KIF27: variants seen among roughly 807,000 people sequenced by gnomAD.
KIF27 encodes the protein kinesin-like protein KIF27.
In KIF27, 84 loss-of-function variants were observed where a neutral mutation model predicts 141.8. That is an observed-to-expected ratio of 0.59 (90% CI 0.50 to 0.71). The LOEUF (loss-of-function observed/expected upper bound fraction) is 0.71. KIF27 is among the 30% of genes least tolerant of loss of function. The pLI is 0.00. For synonymous variants in KIF27, 471 were observed against 569.5 expected (o/e 0.83, Z 2.46); for missense variants, 1,306 against 1,628.4 (o/e 0.80, Z 3.41).
chr9:83,845,509 G>T (rs1035898476), intron 16 of KIF27, among the ~76,000 whole-genome samples: 1 of 152,182 alleles, frequency 6.6e-6, no homozygotes, highest in African/African-American at 2.4e-5. Flanking sequence ...TGGCCTCATG[G>T]GGAGTTCCCT....
intron 17 of KIF27, among the ~76,000 whole-genome samples, chr9:83,840,867 G>C (rs1946474930): frequency 6.6e-6 from 1 of 151,994 alleles, no homozygotes; most frequent in Non-Finnish European, 1.5e-5. Flanking sequence ...TTTTATCTTG[G>C]AATACTGAAC....
intron 10 of KIF27, among the ~76,000 whole-genome samples, chr9:83,883,539 G>C (rs60277614): frequency 0.13 from 20,379 of 152,068 alleles, 1,454 homozygotes; most frequent in African/African-American, 0.14. Context: ...TTAATCCTTT[G>C]TCCTTCAGAA....
chr9:83,850,337 A>G, intron 15 of KIF27, 40 bp from the exon 16 acceptor site: 1 of 1,180,408 alleles, frequency 8.5e-7, no homozygotes, highest in Non-Finnish European at 1.2e-6. Flanking sequence ...TGTGTCTTAG[A>G]TAAGCTAATA....
intron 3 of KIF27, among the ~76,000 whole-genome samples, chr9:83,904,956 A>G (rs1954346907): frequency 6.6e-6 from 1 of 151,894 alleles, no homozygotes; most frequent in African/African-American, 2.4e-5. Flanking sequence ...ACCTTGCATC[A>G]GAGTGCAAGG....
At chr9:83,862,860 G>A (rs1950053983) in intron 13 of KIF27, among the ~76,000 whole-genome samples, 1 of 152,112 alleles carries the variant, frequency 6.6e-6, no homozygotes, top group Admixed American at 6.5e-5. Flanking sequence ...TTGAGCAGTG[G>A]TTTGTAGTTC....
intron 12 of KIF27, 167 bp from the exon 13 acceptor site, chr9:83,868,027 T>C: frequency 4.9e-6 from 3 of 612,690 alleles, no homozygotes; most frequent in African/African-American, 1.9e-5. Context: ...TCAGTGGTTC[T>C]AGTCAAGATG....
chr9:83,903,014 G>A, intron 4 of KIF27, 46 bp downstream of exon 4: 4 of 1,185,270 alleles, frequency 3.4e-6, no homozygotes, highest in Non-Finnish European at 4.7e-6. Flanking sequence ...CATCTATTAT[G>A]TATCAATAAA....
At chr9:83,880,752 A>C (rs1951609204) in intron 10 of KIF27, among the ~76,000 whole-genome samples, 1 of 152,236 alleles carries the variant, frequency 6.6e-6, no homozygotes. Context: ...AATGAAACAG[A>C]TGATTTGCTT....
Position 83,835,092 on chromosome 9 carries a change from A to C in KIF27, c.*1909T>G, listed in dbSNP as rs1262616259. ...ATGTGCTATGCCTTAGTTAGAAATAATTAATTTACACATACTTGTTTTACT... is the reference window on the plus strand; with the variant it reads ...ATGTGCTATGCCTTAGTTAGAAATACTTAATTTACACATACTTGTTTTACT... On this transcript the variant is annotated 3_prime_UTR_variant, in exon 18 of 18. Transcript: ENST00000297814. Among the ~76,000 whole-genome samples, 1 of 149,724 alleles carries C rather than the reference A, an allele frequency of 6.7e-6. No homozygotes were observed. Among genetic ancestry groups the C allele is most frequent in the African/African-American group, 2.5e-5 (1 of 40,808 alleles).
At chr9:83,881,011 T>C (rs1951635582) in intron 10 of KIF27, among the ~76,000 whole-genome samples, 2 of 152,088 alleles carry the variant, frequency 1.3e-5, no homozygotes, top group African/African-American at 2.4e-5. Flanking sequence ...TCTTTTCATA[T>C]AGATTTGTTC....
chr9:83,842,761 C>A (rs1946744534), intron 16 of KIF27, among the ~76,000 whole-genome samples: 1 of 152,072 alleles, frequency 6.6e-6, no homozygotes, highest in Admixed American at 6.6e-5. Flanking sequence ...CCACCGTGCC[C>A]GGCTGCAAAA....
rs748766935 is a variant in KIF27 at position 83,888,481 on chromosome 9, C to G, written c.2083+8G>C. 7.2e-7 allele frequency: 1 copy of G among 1,386,462 alleles called. No individual in the cohort carries two copies. The highest frequency in any genetic ancestry group is 1.0e-6 in the Non-Finnish European group (1 of 989,264). 85.9% of individuals were successfully genotyped at this position (1,386,462 alleles called of 1,614,324 possible). On this transcript the variant is annotated splice_region_variant and intron_variant, in intron 8 of 17. Coordinates refer to ENST00000297814, the MANE Select transcript of KIF27 (RefSeq NM_017576.4). ...TTAGGTCTACATTATTTAAGAAGAT[C>G]TATGTACCTTCATTCTCCAAATCTG...
At chr9:83,915,832 T>C (rs1955625163) in intron 1 of KIF27, among the ~76,000 whole-genome samples, 154 bp from the exon 2 acceptor site, 1 of 152,112 alleles carries the variant, frequency 6.6e-6, no homozygotes, top group Non-Finnish European at 1.5e-5. Flanking sequence ...ACATCGTAAA[T>C]TTGTAGACAA....
At chr9:83,872,893 C>T (rs1950909852) in intron 11 of KIF27, among the ~76,000 whole-genome samples, 1 of 152,184 alleles carries the variant, frequency 6.6e-6, no homozygotes, top group Admixed American at 6.5e-5. Flanking sequence ...AGAAGCCCCA[C>T]ACCCATATAC....
intron 17 of KIF27, among the ~76,000 whole-genome samples, chr9:83,840,576 T>G (rs1587859373): frequency 6.6e-6 from 1 of 152,170 alleles, no homozygotes; most frequent in Non-Finnish European, 1.5e-5. Context: ...ATTTACAAAC[T>G]AGATGTCTAA....
chr9:83,866,363 G>C (rs1950350370), intron 13 of KIF27, among the ~76,000 whole-genome samples: 1 of 152,196 alleles, frequency 6.6e-6, no homozygotes, highest in South Asian at 2.1e-4. Flanking sequence ...TAGGGTCTTG[G>C]CCTGGCTCTC....
At chr9:83,843,738 T>C (rs548126186) in intron 16 of KIF27, among the ~76,000 whole-genome samples, 15 of 152,334 alleles carry the variant, frequency 9.8e-5, no homozygotes, top group African/African-American at 3.4e-4. Context: ...CTATTATTTT[T>C]GAGACAGCAT....
chr9:83,889,941 A>G (rs1430757016), intron 6 of KIF27, among the ~76,000 whole-genome samples: 4 of 152,236 alleles, frequency 2.6e-5, no homozygotes, highest in Non-Finnish European at 5.9e-5. Context: ...AACAACAACA[A>G]TAAATTAGAA....
rs1242183798 is a variant in KIF27, at chr9:83,837,092, G to C, written c.4115C>G (p.Ser1372Ter). The C allele has an allele frequency of 3.1e-6, 5 of 1,613,872 alleles. No individual in the cohort carries two copies. The Admixed American group carries it at 8.3e-5, about 27-fold the overall frequency. The change falls in exon 18 of 18, where the codon TCA becomes TGA. Residue 1372 changes from serine to a stop codon, truncating the protein, a stop_gained. Transcript: ENST00000297814. LOFTEE classifies it high-confidence loss of function. ...AACTCCAAGACTGGAACGTCGCAAT[G>C]ATAGTTCCAAGGCGGAAATTTGACG... is the stretch of plus-strand genomic sequence containing the variant. Reference protein sequence around the residue: ...ELRQISALELSLRRSSLGVGI... With the variant: ...ELRQISALEL
Sources: gnomAD v4.1 joint callset for allele counts (sites outside exome capture counted in the v4.1 genomes callset) on GRCh38, gnomAD v4.1.1 for gene constraint, MANE v1.5 for transcripts, NCBI Gene and HGNC (gene_info 2026-07-23, HGNC 2026-07-21) for gene names.